Variants in SEMA4D observed in about 807,000 individuals in gnomAD.
The protein encoded by SEMA4D is semaphorin-4D.
In SEMA4D, 22 loss-of-function variants were observed where a neutral mutation model predicts 74.8. That is an observed-to-expected ratio of 0.29 (90% CI 0.21 to 0.42). The LOEUF is 0.42. Among genes scored for constraint, SEMA4D ranks in the 10% least tolerant of loss-of-function variants. The probability of loss-of-function intolerance (pLI) is 1.00; values close to 1 mark genes in which losing one functional copy is unlikely to be tolerated. For synonymous variants in SEMA4D, 445 were observed against 463.7 expected (o/e 0.96, Z 0.52); for missense variants, 937 against 1,118.4 (o/e 0.84, Z 2.31).
intron 18 of SEMA4D, among the ~76,000 whole-genome samples, chr9:89,363,244 T>C (rs4876979): frequency 0.21 from 32,016 of 152,106 alleles, 3,862 homozygotes; most frequent in East Asian, 0.39. Context: ...TCTCCTGCAG[T>C]CTCAGCAACA....
At chr9:89,400,740 C>T (rs1842024070) in intron 4 of SEMA4D, among the ~76,000 whole-genome samples, 1 of 151,670 alleles carries the variant, frequency 6.6e-6, no homozygotes, top group South Asian at 2.1e-4. Flanking sequence ...CTCTTGATCA[C>T]GTTTGCAGGG....
intron 16 of SEMA4D, among the ~76,000 whole-genome samples, chr9:89,371,964 G>GTGGGGTGTGGTGTGTGTC (rs1392068473): frequency 7.6e-6 from 1 of 131,330 alleles, no homozygotes; most frequent in Non-Finnish European, 1.6e-5. Flanking sequence ...TGTGGTGTGT[G>GTGGGGTGTGGTGTGTGTC]TGGGGTGTGG....
chr9:89,364,265 G>A, intron 16 of SEMA4D: 1 of 437,802 alleles, frequency 2.3e-6, no homozygotes, highest in Non-Finnish European at 4.2e-6. Context: ...AATGGTTCTG[G>A]GCCTTGGAAC....
chr9:89,437,582 A>G (rs1459405064), intron 2 of SEMA4D, among the ~76,000 whole-genome samples: 1 of 152,010 alleles, frequency 6.6e-6, no homozygotes, highest in Admixed American at 6.5e-5. Flanking sequence ...GGCCTGGCGC[A>G]TGACTGGGCT....
chr9:89,441,260 C>T (rs79965039), intron 2 of SEMA4D, among the ~76,000 whole-genome samples: 202 of 152,404 alleles, frequency 1.3e-3, no homozygotes, highest in African/African-American at 4.6e-3. Context: ...CTTCCACACA[C>T]GCGCAGGACT....
intron 2 of SEMA4D, among the ~76,000 whole-genome samples, chr9:89,441,756 C>G (rs1043004066): frequency 6.6e-6 from 1 of 152,228 alleles, no homozygotes. Context: ...CACTCTGCGT[C>G]CAGCTTTCCT....
chr9:89,450,175 C>G, intron 2 of SEMA4D: 2 of 1,256,814 alleles, frequency 1.6e-6, no homozygotes, highest in Non-Finnish European at 1.2e-6. Context: ...CAGATTCCCA[C>G]AGACAAGCAG....
At chr9:89,489,702 G>T (rs1001631150) in intron 1 of SEMA4D, among the ~76,000 whole-genome samples, 1 of 152,214 alleles carries the variant, frequency 6.6e-6, no homozygotes, top group African/African-American at 2.4e-5. Flanking sequence ...TTTTATGGCT[G>T]AATCATAGGC....
rs1588257893 is a variant in SEMA4D, at chr9:89,392,467, G to A, written c.578C>T (p.Ser193Phe). Residue 193 changes from serine to phenylalanine, a missense_variant, in exon 8 of 16, where the codon TCC (serine) becomes TTC (phenylalanine). Physicochemically the swap from Ser to Phe is radical, Grantham distance 155 (BLOSUM62 -2). Coordinates refer to ENST00000422704, the MANE Select transcript of SEMA4D (RefSeq NM_001371194.2). ...GSEPIISRNS[S>F]HSPLRTEYAI... ...ATATTCTGTCCTCAGAGGACTGTGG[G>A]AAGAATTTCGGGAGATGATGGGTTC... 1 of 1,613,918 alleles carries A rather than the reference G, an allele frequency of 6.2e-7. No homozygotes were observed. Among genetic ancestry groups the A allele is most frequent in the Middle Eastern group, 1.7e-4 (1 of 6,046 alleles).
At chr9:89,367,475 T>C (rs907138279) in intron 16 of SEMA4D, 1 of 152,196 alleles carries the variant, frequency 6.6e-6, no homozygotes, top group Admixed American at 6.5e-5. Context: ...CTCTGTGGGG[T>C]GGGGACAAGA....
intron 1 of SEMA4D, among the ~76,000 whole-genome samples, chr9:89,488,436 G>T (rs1286605400): frequency 7.2e-6 from 1 of 139,838 alleles, no homozygotes; most frequent in African/African-American, 2.7e-5. Flanking sequence ...GCAATGGTGC[G>T]ATCTCAGCTC....
chr9:89,374,045 G>T (rs1031866269), downstream of SEMA4D, among the ~76,000 whole-genome samples: 1 of 152,228 alleles, frequency 6.6e-6, no homozygotes, highest in Non-Finnish European at 1.5e-5. Context: ...TCCTAAGCTG[G>T]TGCTCCCTGG....
intron 16 of SEMA4D, among the ~76,000 whole-genome samples, chr9:89,370,012 T>G (rs946105176): frequency 2.0e-5 from 3 of 151,854 alleles, no homozygotes; most frequent in Admixed American, 6.6e-5. Context: ...GATTGGTGTG[T>G]GTGTGATGTG....
At chr9:89,393,249 C>T (rs968803048) in intron 7 of SEMA4D, among the ~76,000 whole-genome samples, 6 of 152,220 alleles carry the variant, frequency 3.9e-5, no homozygotes, top group African/African-American at 1.4e-4. Flanking sequence ...TGAGAGACCA[C>T]TGCAGACAGC....
chr9:89,387,793 GAC>G (rs1486819524), intron 11 of SEMA4D, among the ~76,000 whole-genome samples, 185 bp from the exon 12 acceptor site: 1 of 152,160 alleles, frequency 6.6e-6, no homozygotes, highest in Admixed American at 6.5e-5. Context: ...GCCAGCAGAG[GAC>G]ACAGTTATAA....
At chr9:89,490,175 AC>A (rs775491265) in intron 1 of SEMA4D, among the ~76,000 whole-genome samples, 32 of 152,096 alleles carry the variant, frequency 2.1e-4, no homozygotes, top group Non-Finnish European at 2.2e-4. Context: ...TGACACATTT[AC>A]CCATGTTTTA....
At chr9:89,448,561 G>A (rs1587970577) in intron 2 of SEMA4D, among the ~76,000 whole-genome samples, 1 of 151,868 alleles carries the variant, frequency 6.6e-6, no homozygotes, top group Admixed American at 6.6e-5. Flanking sequence ...GGGGGCCACA[G>A]CCCGCCTACA....
chr9:89,481,578 AC>A (rs1329568426), intron 1 of SEMA4D, among the ~76,000 whole-genome samples: 1 of 152,236 alleles, frequency 6.6e-6, no homozygotes, highest in Non-Finnish European at 1.5e-5. Context: ...GGCAGCAGAC[AC>A]CCGTGGCGGA....
At position 89,387,507 on chromosome 9, in the gene SEMA4D, C is replaced by T. The variant is rs199507692; in HGVS notation, c.1209G>A (p.Ser403=). 6.4e-5 allele frequency: 103 copies of T among 1,614,196 alleles called. 2 individuals carry two copies. In the South Asian group the frequency reaches 7.2e-4, roughly 11 times the overall value. The change falls in exon 12 of 16, where the codon TCG becomes TCA. Residue 403 remains serine (S), a synonymous_variant. Transcript: ENST00000422704. ...TGGGCCTGTTGTCTATTGGGGTTAC[C>T]GAGTCATCCATCAAAGGGTGGTCTT... ...FVKDHPLMDD[S]VTPIDNRPRL... is the part of the protein sequence containing the mutation.
Sources: allele counts gnomAD v4.1 joint callset (sites outside exome capture counted in the v4.1 genomes callset), GRCh38; gene constraint gnomAD v4.1.1; transcripts MANE v1.5; gene names NCBI Gene and HGNC (gene_info 2026-07-23, HGNC 2026-07-21).